The following TLN2 variants were observed in gnomAD, a reference collection of about 807,000 sequenced individuals.
TLN2 encodes the protein talin-2.
In TLN2, 118 loss-of-function variants were observed where a neutral mutation model predicts 294.7. The ratio of observed to expected loss-of-function variants is 0.40; its 90% CI spans 0.34 to 0.47. The LOEUF is 0.47. Ranked by LOEUF, TLN2 falls within the 20% of genes least tolerant of loss-of-function variation. TLN2 has a pLI of 0.84. For missense variants in TLN2, 3,083 were observed against 3,282.2 expected (o/e 0.94, Z 1.48); for synonymous variants, 1,431 against 1,304.5 (o/e 1.10, Z -2.09).
chr15:62,835,728 A>C lies in TLN2; in HGVS notation c.7129-9A>C, dbSNP rs762596001. 6.2e-7 allele frequency: 1 copy of C among 1,612,202 alleles called. No individual in the cohort carries two copies. The highest frequency in any genetic ancestry group is 1.7e-5 in the Admixed American group (1 of 59,872). On this transcript the variant is annotated splice_polypyrimidine_tract_variant and intron_variant, in intron 55 of 58. Transcript: ENST00000636159. ...CCCTCATGGCCAATTTCTCGACTCT[A>C]CTCTCTAGGTGGGCTCCATCCCTGC...
In TLN2 at chr15:62,460,977, G is replaced by A. The variant is rs554558431; in HGVS notation, c.-238+70292G>A. Among the ~76,000 whole-genome samples the A allele has an allele frequency of 9.3e-4, 142 of 151,984 alleles. 1 individual carries two copies. Among genetic ancestry groups the A allele is most frequent in the South Asian group, 5.8e-3 (28 of 4,800 alleles). On this transcript the variant is annotated intron_variant, in intron 1 of 58. Coordinates refer to ENST00000636159, the MANE Select transcript of TLN2 (RefSeq NM_015059.3). ...TATTTTATTTTTAAGACAGAGTCTCGCTCTGTTGCCCAGCAGGCTGGAGTA... is the reference window on the plus strand; with the variant it reads ...TATTTTATTTTTAAGACAGAGTCTCACTCTGTTGCCCAGCAGGCTGGAGTA...
At chr15:62,590,189 C>T (rs1032827541) in intron 2 of TLN2, among the ~76,000 whole-genome samples, 4 of 151,908 alleles carry the variant, frequency 2.6e-5, no homozygotes, top group Non-Finnish European at 5.9e-5. Flanking sequence ...GTTCAGGGTA[C>T]ATGGGCAGGT....
At chr15:62,821,085 C>T (rs1284194733) in intron 54 of TLN2, among the ~76,000 whole-genome samples, 3 of 152,174 alleles carry the variant, frequency 2.0e-5, no homozygotes, top group Non-Finnish European at 4.4e-5. Flanking sequence ...TATGTTTTTT[C>T]CTTCTGTGTT....
intron 12 of TLN2, among the ~76,000 whole-genome samples, chr15:62,691,467 T>C (rs1196408866): frequency 6.6e-6 from 1 of 152,174 alleles, no homozygotes; most frequent in East Asian, 1.9e-4. Flanking sequence ...TGTTTCTTTG[T>C]TTGAACTTTT....
At chr15:62,428,989 C>T (rs1377044612) in intron 1 of TLN2, among the ~76,000 whole-genome samples, 1 of 152,024 alleles carries the variant, frequency 6.6e-6, no homozygotes, top group Non-Finnish European at 1.5e-5. Flanking sequence ...GACCTGGGGC[C>T]CTATTGAAAG....
chr15:62,506,598 G>C (rs1047112867), intron 1 of TLN2, among the ~76,000 whole-genome samples: 1 of 152,192 alleles, frequency 6.6e-6, no homozygotes, highest in Non-Finnish European at 1.5e-5. Context: ...TCCCATGGAG[G>C]TTGGGGGAGT....
chr15:62,781,217 C>A lies in TLN2; in HGVS notation c.5592C>A (p.Ala1864=). 1 of 1,614,096 alleles carries A rather than the reference C, an allele frequency of 6.2e-7. No homozygotes were observed. Among genetic ancestry groups the A allele is most frequent in the Non-Finnish European group, 8.5e-7 (1 of 1,179,992 alleles). ...YQTTVVKYSK[A]IAVTAQEMMT... ...CGACTGTGGTTAAATACTCCAAAGC[C>A]ATTGCGGTGACAGCTCAGGAAATGG... is the stretch of plus-strand genomic sequence containing the variant. The change falls in exon 44 of 59, where the codon GCC becomes GCA. Residue 1864 remains alanine, a synonymous_variant. Transcript: ENST00000636159.
intron 43 of TLN2, among the ~76,000 whole-genome samples, chr15:62,777,204 G>T (rs1191316782): frequency 1.3e-5 from 2 of 149,780 alleles, no homozygotes; most frequent in Non-Finnish European, 3.0e-5. Flanking sequence ...ACTTCATAGG[G>T]TTTGTTGTGG....
At chr15:62,784,284 G>C (rs1418040117) in intron 45 of TLN2, 1 of 326,566 alleles carries the variant, frequency 3.1e-6, no homozygotes, top group Non-Finnish European at 5.5e-6. Context: ...GTTCACAGAA[G>C]TGTTGAAAGA....
intron 37 of TLN2, 140 bp from the exon 38 acceptor site, chr15:62,761,541 C>T (rs2062672039): frequency 1.7e-6 from 2 of 1,177,100 alleles, no homozygotes; most frequent in Non-Finnish European, 1.2e-6. Context: ...TTCATCAGTT[C>T]CTATTTATTG....
At chr15:62,583,139 G>C (rs2045286493) in intron 1 of TLN2, among the ~76,000 whole-genome samples, 1 of 152,126 alleles carries the variant, frequency 6.6e-6, no homozygotes, top group African/African-American at 2.4e-5. Flanking sequence ...ACATCTCAGG[G>C]TTATTTTAAA....
intron 2 of TLN2, among the ~76,000 whole-genome samples, chr15:62,613,742 C>A (rs2048097639): frequency 6.6e-6 from 1 of 151,804 alleles, no homozygotes; most frequent in Non-Finnish European, 1.5e-5. Context: ...CATGTTATGT[C>A]CATTCAGGGG....
At chr15:62,664,857 C>CAAAAAAAAAAAAAAAAAAAAAAAA (rs10634187) in intron 9 of TLN2, among the ~76,000 whole-genome samples, 3 of 29,230 alleles carry the variant, frequency 1.0e-4, no homozygotes, top group African/African-American at 3.9e-4. Context: ...GAAACTGTCT[C>CAAAAAAAAAAAAAAAAAAAAAAAA]AAAAAAAAAA....
chr15:62,651,979 A>G, intron 5 of TLN2, 26 bp from the exon 6 acceptor site: 1 of 1,554,598 alleles, frequency 6.4e-7, no homozygotes, highest in Non-Finnish European at 8.7e-7. Context: ...ACACAGTGTG[A>G]AATTTGTATG....
chr15:62,502,227 A>C (rs892812832), intron 1 of TLN2, among the ~76,000 whole-genome samples: 1 of 152,246 alleles, frequency 6.6e-6, no homozygotes, highest in African/African-American at 2.4e-5. Flanking sequence ...AAAACAAAAT[A>C]TGTATTGTTT....
chr15:62,616,801 T>C (rs764536766), intron 2 of TLN2, among the ~76,000 whole-genome samples: 2 of 152,246 alleles, frequency 1.3e-5, no homozygotes, highest in African/African-American at 2.4e-5. Context: ...AAAGTGTTTT[T>C]GCTACTGCTT....
chr15:62,507,812 A>G (rs2039705581), intron 1 of TLN2, among the ~76,000 whole-genome samples: 1 of 152,234 alleles, frequency 6.6e-6, no homozygotes, highest in Non-Finnish European at 1.5e-5. Flanking sequence ...TGCAGTGCAC[A>G]GTTTTGCCCT....
intron 1 of TLN2, among the ~76,000 whole-genome samples, chr15:62,480,270 G>A (rs1246941766): frequency 6.6e-6 from 1 of 152,204 alleles, no homozygotes; most frequent in East Asian, 1.9e-4. Context: ...CTGGAGTGCA[G>A]CGGCGCGATC....
chr15:62,614,123 A>G (rs1464167543), intron 2 of TLN2, among the ~76,000 whole-genome samples: 9 of 152,230 alleles, frequency 5.9e-5, no homozygotes, highest in Non-Finnish European at 1.3e-4. Flanking sequence ...TTGTATATAA[A>G]TTATGACTCA....
Sources: allele counts gnomAD v4.1 joint callset (sites outside exome capture counted in the v4.1 genomes callset), GRCh38; gene constraint gnomAD v4.1.1; transcripts MANE v1.5; gene names NCBI Gene and HGNC (gene_info 2026-07-23, HGNC 2026-07-21).